The following RGS7 variants were observed in gnomAD, a reference collection of about 807,000 sequenced individuals.
The protein encoded by RGS7 is regulator of G-protein signaling 7.
In RGS7, 27 loss-of-function variants were observed where a neutral mutation model predicts 81.1. That is an observed-to-expected ratio of 0.33 (90% CI 0.25 to 0.46). The LOEUF (loss-of-function observed/expected upper bound fraction) is 0.46. Among genes scored for constraint, RGS7 ranks in the 20% least tolerant of loss-of-function variants. The pLI is 1.00. For missense variants in RGS7, 396 were observed against 607.4 expected (o/e 0.65, Z 3.66); for synonymous variants, 208 against 207.7 (o/e 1.00, Z -0.01).
chr1:240,984,720 G>C (rs975479823), intron 3 of RGS7, among the ~76,000 whole-genome samples: 3 of 152,120 alleles, frequency 2.0e-5, no homozygotes, highest in Non-Finnish European at 4.4e-5. Context: ...CTGGAGGCTG[G>C]CTAGAGTTGC....
At chr1:240,978,544 T>A (rs1378356415) in intron 4 of RGS7, among the ~76,000 whole-genome samples, 1 of 152,140 alleles carries the variant, frequency 6.6e-6, no homozygotes, top group Admixed American at 6.6e-5. Flanking sequence ...GTGAAGAGAA[T>A]TAGAATTAAT....
chr1:241,184,542 G>A (rs1030605654), intron 2 of RGS7, among the ~76,000 whole-genome samples: 15 of 152,098 alleles, frequency 9.9e-5, no homozygotes, highest in Non-Finnish European at 1.5e-4. Context: ...ACAAGTAGAA[G>A]GTTCCACTTT....
At chr1:241,169,533 C>T (rs892527936) in intron 2 of RGS7, among the ~76,000 whole-genome samples, 12 of 151,642 alleles carry the variant, frequency 7.9e-5, no homozygotes, top group Admixed American at 3.3e-4. Context: ...TTAGTAGAGA[C>T]GGGGTTTCAC....
chr1:241,234,886 A>G (rs1199634285), intron 2 of RGS7, among the ~76,000 whole-genome samples: 2 of 152,198 alleles, frequency 1.3e-5, no homozygotes, highest in African/African-American at 2.4e-5. Context: ...GCTTTATGGA[A>G]TATTACCTTC....
chr1:241,091,616 T>G (rs1301218240), intron 3 of RGS7, among the ~76,000 whole-genome samples: 1 of 151,926 alleles, frequency 6.6e-6, no homozygotes, highest in Non-Finnish European at 1.5e-5. Context: ...CCGGATGCAA[T>G]GGCTCGCATC....
intron 4 of RGS7, among the ~76,000 whole-genome samples, chr1:240,974,043 T>C (rs1683692314): frequency 6.6e-6 from 1 of 152,228 alleles, no homozygotes; most frequent in African/African-American, 2.4e-5. Flanking sequence ...AGAAGACTTG[T>C]GGCAGGCTTG....
intron 2 of RGS7, among the ~76,000 whole-genome samples, chr1:241,119,400 C>T (rs1217251580): frequency 6.6e-6 from 1 of 152,174 alleles, no homozygotes; most frequent in Non-Finnish European, 1.5e-5. Context: ...CCTTATCAAA[C>T]AATGAATGAT....
At chr1:241,024,123 G>A (rs1175998771) in intron 3 of RGS7, among the ~76,000 whole-genome samples, 1 of 152,156 alleles carries the variant, frequency 6.6e-6, no homozygotes, top group Non-Finnish European at 1.5e-5. Context: ...AATTTATCCA[G>A]GACTGTAACC....
At chr1:240,892,139 T>C (rs915316257) in intron 6 of RGS7, among the ~76,000 whole-genome samples, 1 of 152,234 alleles carries the variant, frequency 6.6e-6, no homozygotes, top group Non-Finnish European at 1.5e-5. Flanking sequence ...GTATAATGCA[T>C]CATATAACTC....
chr1:240,978,630 CAG>C (rs1684488860), intron 4 of RGS7, among the ~76,000 whole-genome samples: 1 of 151,916 alleles, frequency 6.6e-6, no homozygotes, highest in African/African-American at 2.4e-5. Flanking sequence ...AATTTTAAAA[CAG>C]AGAAAATAAT....
chr1:241,345,524 A>G (rs1033538985), intron 2 of RGS7, among the ~76,000 whole-genome samples: 8 of 152,200 alleles, frequency 5.3e-5, no homozygotes, highest in Non-Finnish European at 1.0e-4. Flanking sequence ...TATTAACATG[A>G]TTGTATATTT....
intron 2 of RGS7, among the ~76,000 whole-genome samples, chr1:241,355,490 C>T (rs959421107): frequency 6.6e-6 from 1 of 152,170 alleles, no homozygotes; most frequent in South Asian, 2.1e-4. Flanking sequence ...GCAGGGAACA[C>T]GTGAGGAGGC....
chr1:240,995,685 G>A (rs527423949), intron 3 of RGS7, among the ~76,000 whole-genome samples: 3 of 146,228 alleles, frequency 2.1e-5, no homozygotes, highest in South Asian at 2.2e-4. Flanking sequence ...CTTCATTCCC[G>A]AAAATGGCAA....
At chr1:240,997,650 C>T (rs955089633) in intron 3 of RGS7, among the ~76,000 whole-genome samples, 2 of 152,250 alleles carry the variant, frequency 1.3e-5, no homozygotes, top group East Asian at 3.9e-4. Context: ...CATGGGGAAA[C>T]CCCATCTCTA....
intron 2 of RGS7, among the ~76,000 whole-genome samples, chr1:241,267,022 C>A (rs948925052): frequency 1.3e-5 from 2 of 152,174 alleles, no homozygotes; most frequent in Non-Finnish European, 2.9e-5. Flanking sequence ...ACTAGTCCTA[C>A]AAATCCGGAA....
chr1:241,224,109 A>G (rs1296277134), intron 2 of RGS7, among the ~76,000 whole-genome samples: 3 of 150,222 alleles, frequency 2.0e-5, no homozygotes, highest in African/African-American at 7.3e-5. Flanking sequence ...TTTATTTTTT[A>G]ATTATACTTT....
At chr1:240,876,377 C>G (rs977790209) in intron 6 of RGS7, among the ~76,000 whole-genome samples, 1 of 152,182 alleles carries the variant, frequency 6.6e-6, no homozygotes, top group African/African-American at 2.4e-5. Context: ...CAAGACAATG[C>G]CTTGCCCTTA....
intron 2 of RGS7, among the ~76,000 whole-genome samples, chr1:241,128,276 CAAA>C (rs58934562): frequency 8.7e-6 from 1 of 115,224 alleles, no homozygotes; most frequent in Non-Finnish European, 1.8e-5. Flanking sequence ...GACTCCGTCT[CAAA>C]AAAAAAAAAA....
chr1:240,836,543 C>G (rs1694765923), intron 9 of RGS7, among the ~76,000 whole-genome samples: 1 of 152,172 alleles, frequency 6.6e-6, no homozygotes, highest in Non-Finnish European at 1.5e-5. Context: ...GGATGACTCC[C>G]ATGCCATCTG....
Sources: allele counts gnomAD v4.1 joint callset (sites outside exome capture counted in the v4.1 genomes callset), GRCh38; gene constraint gnomAD v4.1.1; transcripts MANE v1.5; gene names NCBI Gene and HGNC (gene_info 2026-07-23, HGNC 2026-07-21).